CFAP54: variants seen among roughly 807,000 people sequenced by gnomAD.
The protein encoded by CFAP54 is cilia and flagella associated protein 54.
CFAP54 carries 290 observed loss-of-function variants against 370.4 expected under a neutral mutation model. The observed-to-expected ratio is 0.78, with a 90% confidence interval of 0.71 to 0.86. The LOEUF is 0.86. CFAP54 is among the 40% of genes least tolerant of loss of function. The pLI is 0.00. For missense variants in CFAP54, 3,399 were observed against 3,528.7 expected (o/e 0.96, Z 0.93); for synonymous variants, 1,206 against 1,236.5 (o/e 0.98, Z 0.52).
intron 9 of CFAP54, among the ~76,000 whole-genome samples, chr12:96,529,571 G>T (rs943699053): frequency 4.6e-5 from 7 of 152,044 alleles, no homozygotes; most frequent in African/African-American, 1.7e-4. Context: ...CAGTGGTGTT[G>T]CAGTATAAAC....
chr12:96,844,782 T>G (rs1391730861), intron 66 of CFAP54, among the ~76,000 whole-genome samples: 1 of 152,178 alleles, frequency 6.6e-6, no homozygotes, highest in African/African-American at 2.4e-5. Flanking sequence ...AACTATACTC[T>G]AAGCTCCTTC....
intron 41 of CFAP54, 88 bp downstream of exon 41, chr12:96,684,823 A>G (rs771192605): frequency 1.3e-5 from 16 of 1,218,688 alleles, no homozygotes; most frequent in Non-Finnish European, 1.9e-5. Context: ...ATTGTCTTTC[A>G]TAAATTTTAG....
intron 57 of CFAP54, 89 bp from the exon 58 acceptor site, chr12:96,757,406 C>T: frequency 1.5e-6 from 1 of 660,264 alleles, no homozygotes; most frequent in Non-Finnish European, 2.4e-6. Flanking sequence ...CAGTTTTTAC[C>T]TTTCATCAGC....
intron 44 of CFAP54, among the ~76,000 whole-genome samples, chr12:96,692,349 G>T (rs1046275641): frequency 2.6e-5 from 4 of 152,056 alleles, no homozygotes; most frequent in African/African-American, 4.8e-5. Context: ...ACCTTTAGCT[G>T]CCTAGTCATA....
intron 50 of CFAP54, among the ~76,000 whole-genome samples, chr12:96,728,293 C>T (rs534997659): frequency 1.3e-5 from 2 of 152,310 alleles, no homozygotes; most frequent in South Asian, 2.1e-4. Context: ...GTTCCATTCT[C>T]CCTGTCACTT....
chr12:96,644,215 T>G lies in CFAP54; in HGVS notation c.4354T>G (p.Tyr1452Asp). ...RTSVRKAAQRYLMDYLNPLIL... is the reference protein window; with the variant it reads ...RTSVRKAAQRDLMDYLNPLIL... ...CAGTGTTAGGAAAGCAGCACAACGA[T>G]ACCTGATGGATTACTTGAATCCTCT... The change falls in exon 33 of 68, where the codon TAC becomes GAC. Residue 1452 changes from tyrosine to aspartate, a missense_variant. Physicochemically the swap from Tyr to Asp is radical, Grantham distance 160. Around this residue, in one of 3 missense-constraint regions of CFAP54, gnomAD observed 2,796 missense variants for 2,869.7 expected, o/e 0.97. Coordinates refer to ENST00000524981, the MANE Select transcript of CFAP54 (RefSeq NM_001306084.2). 6.5e-7 allele frequency: 1 copy of G among 1,535,932 alleles called. No homozygotes were observed. The highest frequency in any genetic ancestry group is 8.7e-7 in the Non-Finnish European group (1 of 1,146,750).
chr12:96,584,180 T>C (rs1370409561), intron 22 of CFAP54, among the ~76,000 whole-genome samples: 1 of 148,334 alleles, frequency 6.7e-6, no homozygotes, highest in Non-Finnish European at 1.5e-5. Context: ...AAAAAAAAAA[T>C]AGGCCCAGTG....
intron 66 of CFAP54, among the ~76,000 whole-genome samples, chr12:96,836,389 G>A (rs1213133284): frequency 1.3e-5 from 2 of 152,142 alleles, no homozygotes; most frequent in Admixed American, 1.3e-4. Context: ...CCTGGCTTTT[G>A]ATCTTTCTTT....
chr12:96,735,609 C>T (rs1957971435), intron 50 of CFAP54, among the ~76,000 whole-genome samples: 1 of 152,060 alleles, frequency 6.6e-6, no homozygotes, highest in African/African-American at 2.4e-5. Context: ...AAACTAATTC[C>T]TGAAAAAGGT....
rs1957870425 is a variant in CFAP54, at chr12:96,728,434, C to T, written c.6965+7869C>T. Among the ~76,000 whole-genome samples the T allele has an allele frequency of 2.0e-5, 3 of 152,192 alleles. No individual in the cohort carries two copies. The South Asian group carries it at 6.2e-4, about 32-fold the overall frequency. ...CGCTTCATTTCATTCATTTCATCTT[C>T]CATCACTGATACCCTTTCTTCCAGT... On this transcript the variant is annotated intron_variant, in intron 50 of 67. Transcript: ENST00000524981.
At chr12:96,749,110 A>G (rs1247092936) in intron 55 of CFAP54, among the ~76,000 whole-genome samples, 2 of 152,234 alleles carry the variant, frequency 1.3e-5, no homozygotes, top group Admixed American at 1.3e-4. Flanking sequence ...TGAGTAATTT[A>G]TAAACAGCGG....
At chr12:96,858,633 A>G (rs1959782344) in intron 66 of CFAP54, among the ~76,000 whole-genome samples, 1 of 152,154 alleles carries the variant, frequency 6.6e-6, no homozygotes, top group East Asian at 1.9e-4. Flanking sequence ...AAAAGGCAAT[A>G]CTGTTTGCAA....
rs1954856576 is a variant in CFAP54, at chr12:96,489,803, T to G, written c.194T>G (p.Leu65Arg). 6.5e-7 allele frequency: 1 copy of G among 1,535,982 alleles called. No homozygotes were observed. Among genetic ancestry groups the G allele is most frequent in the African/African-American group, 1.4e-5 (1 of 73,030 alleles). The change falls in exon 1 of 68, where the codon CTG becomes CGG. Residue 65 changes from leucine (L) to arginine (R), a missense_variant. Leu to Arg is a moderately radical substitution (Grantham distance 102). Transcript: ENST00000524981. Reference protein sequence around the residue: ...SLPLAVFYGPLDAKNPLLASC... With the variant: ...SLPLAVFYGPRDAKNPLLASC... ...CCCCTAGCCGTGTTTTATGGGCCGCTGGACGCGAAAAACCCGCTCCTGGCC... is the reference window on the plus strand; with the variant it reads ...CCCCTAGCCGTGTTTTATGGGCCGCGGGACGCGAAAAACCCGCTCCTGGCC...
intron 47 of CFAP54, among the ~76,000 whole-genome samples, chr12:96,708,338 T>G (rs1433266966): frequency 6.6e-6 from 1 of 152,180 alleles, no homozygotes; most frequent in East Asian, 1.9e-4. Flanking sequence ...TCCTTCACTC[T>G]GAGCACCAGG....
chr12:96,614,599 G>T (rs1282110878), intron 26 of CFAP54, among the ~76,000 whole-genome samples: 1 of 152,182 alleles, frequency 6.6e-6, no homozygotes, highest in Non-Finnish European at 1.5e-5. Flanking sequence ...TGACATGATT[G>T]TATATGTAGA....
intron 50 of CFAP54, among the ~76,000 whole-genome samples, chr12:96,723,813 T>C (rs1251143211): frequency 7.2e-6 from 1 of 139,706 alleles, no homozygotes; most frequent in African/African-American, 2.7e-5. Context: ...TATCTCCTAA[T>C]GCTATCCCTC....
intron 36 of CFAP54, 66 bp downstream of exon 36, chr12:96,651,881 A>T (rs1006628006): frequency 1.6e-5 from 16 of 978,866 alleles, no homozygotes. Context: ...GCATCTTGGT[A>T]TAAGTAGAAA....
chr12:96,788,153 A>G (rs1958647656), intron 62 of CFAP54, among the ~76,000 whole-genome samples: 1 of 152,326 alleles, frequency 6.6e-6, no homozygotes, highest in East Asian at 1.9e-4. Flanking sequence ...ACTGAAAACA[A>G]CAACAACCGA....
intron 1 of CFAP54, among the ~76,000 whole-genome samples, chr12:96,499,984 A>AAACAAC (rs1955007780): frequency 6.6e-6 from 1 of 151,848 alleles, no homozygotes; most frequent in African/African-American, 2.4e-5. Flanking sequence ...AAACAAAACA[A>AAACAAC]AAAAAACCGT....
Sources: gnomAD v4.1 joint callset for allele counts (sites outside exome capture counted in the v4.1 genomes callset) on GRCh38, gnomAD v4.1.1 for gene constraint, gnomAD v4.1.1 regional missense constraint, MANE v1.5 for transcripts, NCBI Gene and HGNC (gene_info 2026-07-23, HGNC 2026-07-21) for gene names.